Variants in ANKRD44 observed in about 807,000 individuals in gnomAD.
ANKRD44 encodes ankyrin repeat domain 44, also known as serine/threonine-protein phosphatase 6 regulatory ankyrin repeat subunit B.
ANKRD44 carries 35 observed loss-of-function variants against 116.0 expected under a neutral mutation model. The observed-to-expected ratio is 0.30, with a 90% CI of 0.23 to 0.40. ANKRD44 has a LOEUF of 0.40. ANKRD44 is among the 10% of genes least tolerant of loss of function. The pLI, the probability that ANKRD44 is intolerant of heterozygous loss-of-function variation, is 1.00. For missense variants in ANKRD44, 1,014 were observed against 1,242.6 expected (o/e 0.82, Z 2.77); for synonymous variants, 435 against 461.8 (o/e 0.94, Z 0.74).
intron 9 of ANKRD44, among the ~76,000 whole-genome samples, chr2:197,108,871 C>CAACAAAAAAAA (rs936579634): frequency 6.0e-5 from 9 of 150,566 alleles, no homozygotes; most frequent in African/African-American, 1.7e-4. Flanking sequence ...ACAACAACAA[C>CAACAAAAAAAA]AAAAACACAA....
intron 10 of ANKRD44, among the ~76,000 whole-genome samples, chr2:197,091,955 C>T (rs1050563196): frequency 8.6e-5 from 13 of 151,890 alleles, no homozygotes; most frequent in Admixed American, 2.6e-4. Flanking sequence ...CTTTATAGAC[C>T]GACCCCCACT....
chr2:197,260,971 A>G (rs1559195948), intron 1 of ANKRD44, among the ~76,000 whole-genome samples: 1 of 150,054 alleles, frequency 6.7e-6, no homozygotes, highest in Non-Finnish European at 1.5e-5. Flanking sequence ...TAGATTCTGG[A>G]TATTAGCCCT....
At chr2:197,287,775 T>A (rs2083446063) in intron 1 of ANKRD44, among the ~76,000 whole-genome samples, 1 of 152,026 alleles carries the variant, frequency 6.6e-6, no homozygotes, top group Non-Finnish European at 1.5e-5. Flanking sequence ...ATCCTAGCAC[T>A]TTGGGAGGCC....
At chr2:197,248,433 A>G (rs2697290) in intron 1 of ANKRD44, among the ~76,000 whole-genome samples, 48,199 of 151,774 alleles carry the variant, frequency 0.32, 8,068 homozygotes, top group African/African-American at 0.42. Context: ...ATGATCATGT[A>G]AGCCAGTTCC....
At chr2:197,186,826 G>A (rs918654046) in intron 2 of ANKRD44, among the ~76,000 whole-genome samples, 197 bp downstream of exon 2, 62 of 151,136 alleles carry the variant, frequency 4.1e-4, no homozygotes, top group Non-Finnish European at 1.5e-4. Context: ...TTAATATTTG[G>A]GTAACTGTAT....
chr2:197,115,100 C>T (rs1210009432), intron 8 of ANKRD44, among the ~76,000 whole-genome samples: 2 of 152,158 alleles, frequency 1.3e-5, no homozygotes, highest in African/African-American at 4.8e-5. Context: ...AGACATGTTT[C>T]AACTCCCATC....
chr2:196,993,690 C>T lies in ANKRD44; in HGVS notation c.2832-16G>A, dbSNP rs2075961372. The T allele has an allele frequency of 1.3e-6, 2 of 1,548,690 alleles. No homozygotes were observed. Among genetic ancestry groups the T allele is most frequent in the African/African-American group, 2.7e-5 (2 of 73,100 alleles). On this transcript the variant is annotated splice_polypyrimidine_tract_variant and intron_variant, in intron 26 of 27. Transcript: ENST00000282272. ...GTGGAGGGGTCTAAAAAACACAAGA[C>T]CGAGCATCAGTTGTGATACATATTT...
chr2:197,006,577 T>C (rs2076206851), intron 20 of ANKRD44, among the ~76,000 whole-genome samples: 2 of 152,196 alleles, frequency 1.3e-5, no homozygotes, highest in Non-Finnish European at 2.9e-5. Flanking sequence ...TTCACCTATA[T>C]ATAAGAATAG....
At chr2:197,248,572 G>GTATATATATATATA (rs1385952729) in intron 1 of ANKRD44, among the ~76,000 whole-genome samples, 4 of 109,690 alleles carry the variant, frequency 3.6e-5, no homozygotes, top group African/African-American at 9.4e-5. Flanking sequence ...GTGTGTGTGT[G>GTATATATATATATA]TGTGTGTATA....
At chr2:196,967,720 A>G (rs1377951855) in intron 21 of ANKRD44, among the ~76,000 whole-genome samples, 1 of 152,250 alleles carries the variant, frequency 6.6e-6, no homozygotes, top group Non-Finnish European at 1.5e-5. Context: ...ATCCTACATT[A>G]GGAAAGAAAC....
intron 16 of ANKRD44, among the ~76,000 whole-genome samples, chr2:197,040,621 C>T (rs2076893825): frequency 1.3e-5 from 2 of 152,078 alleles, no homozygotes; most frequent in South Asian, 4.1e-4. Flanking sequence ...AAGTGATCTG[C>T]CCTCCTTGGC....
intron 1 of ANKRD44, among the ~76,000 whole-genome samples, chr2:197,306,786 G>A (rs1276358278): frequency 6.6e-6 from 1 of 152,060 alleles, no homozygotes; most frequent in Non-Finnish European, 1.5e-5. Flanking sequence ...ACTGCCTTTG[G>A]CAAGAAGGTA....
intron 21 of ANKRD44, among the ~76,000 whole-genome samples, chr2:196,972,153 A>T (rs1574204403): frequency 6.6e-6 from 1 of 152,252 alleles, no homozygotes; most frequent in Non-Finnish European, 1.5e-5. Context: ...CAGGTTGAAG[A>T]TGGGAGGCTA....
chr2:197,178,617 A>G (rs1033282237), intron 2 of ANKRD44, among the ~76,000 whole-genome samples: 1 of 152,238 alleles, frequency 6.6e-6, no homozygotes, highest in Non-Finnish European at 1.5e-5. Context: ...CTCACCAAAG[A>G]AAAAATGCAA....
chr2:197,001,652 T>A, intron 22 of ANKRD44, 101 bp downstream of exon 22: 6 of 762,670 alleles, frequency 7.9e-6, no homozygotes, highest in Non-Finnish European at 1.3e-5. Context: ...TATTTCAGTC[T>A]TATCTGTAAT....
chr2:197,026,448 C>G (rs971669569), intron 16 of ANKRD44, among the ~76,000 whole-genome samples: 2 of 152,110 alleles, frequency 1.3e-5, no homozygotes, highest in South Asian at 2.1e-4. Flanking sequence ...GATGAGGGAG[C>G]CTTGTGAATA....
chr2:196,971,942 C>G (rs1487939520), intron 21 of ANKRD44, among the ~76,000 whole-genome samples: 1 of 152,226 alleles, frequency 6.6e-6, no homozygotes, highest in Non-Finnish European at 1.5e-5. Context: ...GCATGGATCT[C>G]TATCCCAGCT....
At chr2:197,199,604 C>A (rs2081046805) in intron 1 of ANKRD44, among the ~76,000 whole-genome samples, 1 of 151,998 alleles carries the variant, frequency 6.6e-6, no homozygotes, top group Admixed American at 6.6e-5. Context: ...TTACTATTTC[C>A]CACACACACA....
intron 8 of ANKRD44, among the ~76,000 whole-genome samples, chr2:197,111,260 A>G (rs563620432): frequency 2.6e-5 from 4 of 152,292 alleles, no homozygotes; most frequent in Non-Finnish European, 5.9e-5. Flanking sequence ...ACCTTTGTCT[A>G]TAGTACACAA....
Sources: gnomAD v4.1 joint callset for allele counts (sites outside exome capture counted in the v4.1 genomes callset) on GRCh38, gnomAD v4.1.1 for gene constraint, MANE v1.5 for transcripts, NCBI Gene and HGNC (gene_info 2026-07-23, HGNC 2026-07-21) for gene names.